Variants in CDKAL1 observed in about 807,000 individuals in gnomAD.
CDKAL1 encodes threonylcarbamoyladenosine tRNA methylthiotransferase.
CDKAL1 carries 32 observed loss-of-function variants against 68.2 expected under a neutral mutation model. The ratio of observed to expected loss-of-function variants is 0.47; its 90% CI spans 0.35 to 0.63. The LOEUF is 0.63. CDKAL1 is among the 30% of genes least tolerant of loss of function. The pLI is 0.00. For missense variants in CDKAL1, 606 were observed against 696.7 expected (o/e 0.87, Z 1.47); for synonymous variants, 234 against 244.3 (o/e 0.96, Z 0.39).
chr6:20,563,963 C>T (rs927092829), intron 4 of CDKAL1, among the ~76,000 whole-genome samples: 7 of 152,110 alleles, frequency 4.6e-5, no homozygotes, highest in African/African-American at 9.7e-5. Flanking sequence ...TTTAAGCCAG[C>T]GATGGCTCAA....
rs556184336 is a variant in CDKAL1 at position 20,545,203 on chromosome 6, G to C, written c.-5-1143G>C. On this transcript the variant is annotated intron_variant, in intron 2 of 15. Coordinates refer to ENST00000274695, the MANE Select transcript of CDKAL1 (RefSeq NM_017774.3). ...ACTCATCATATTCCTTGGGTCCTGA[G>C]GTTCATAGCCAGTCTGCCTTATGCT... 3.3e-5 allele frequency among the ~76,000 whole-genome samples: 5 copies of C among 151,878 alleles called. No homozygotes were observed. In the East Asian group the frequency reaches 9.7e-4, roughly 30 times the overall value.
intron 15 of CDKAL1, among the ~76,000 whole-genome samples, chr6:21,208,008 T>G (rs996839797): frequency 1.4e-5 from 2 of 146,472 alleles, no homozygotes; most frequent in Non-Finnish European, 3.0e-5. Context: ...TTCCTCTTAC[T>G]CTTTATGTCT....
chr6:20,582,412 A>T (rs1303587264), intron 4 of CDKAL1, among the ~76,000 whole-genome samples: 1 of 152,204 alleles, frequency 6.6e-6, no homozygotes, highest in African/African-American at 2.4e-5. Context: ...ATACATATTT[A>T]AAATAGCATT....
chr6:21,157,913 T>C (rs542701416), intron 13 of CDKAL1, among the ~76,000 whole-genome samples: 6 of 152,370 alleles, frequency 3.9e-5, no homozygotes, highest in African/African-American at 1.4e-4. Flanking sequence ...AAAGAAATGT[T>C]ATTCAGAGAG....
chr6:21,010,580 G>A (rs1311626048), intron 11 of CDKAL1, among the ~76,000 whole-genome samples: 1 of 152,130 alleles, frequency 6.6e-6, no homozygotes, highest in African/African-American at 2.4e-5. Context: ...CCCTCATTAT[G>A]TGAATGGGCC....
chr6:20,644,667 CAAAACA>C lies in CDKAL1; in HGVS notation c.287-4607_287-4602del, dbSNP rs1342396638. Among the ~76,000 whole-genome samples, 6 of 150,688 alleles carry C rather than the reference CAAAACA, an allele frequency of 4.0e-5. No individual in the cohort carries two copies. In the South Asian group the frequency reaches 6.3e-4, roughly 16 times the overall value. On this transcript the variant is annotated intron_variant, in intron 4 of 15. Coordinates refer to ENST00000274695, the MANE Select transcript of CDKAL1 (RefSeq NM_017774.3). Reference sequence around the variant, plus strand: ...TGGGCAACAGAGCGAGACTCCGTCTCAAAACAAAAACAAAAACAAAAACACAACAAA... The same window carrying C: ...TGGGCAACAGAGCGAGACTCCGTCTCAAAACAAAAACAAAAACACAACAAA...
At chr6:21,178,284 G>T (rs915556555) in intron 13 of CDKAL1, among the ~76,000 whole-genome samples, 1 of 152,072 alleles carries the variant, frequency 6.6e-6, no homozygotes, top group African/African-American at 2.4e-5. Context: ...TATGATGGGG[G>T]TTACATATTT....
intron 9 of CDKAL1, among the ~76,000 whole-genome samples, chr6:20,853,766 ATT>A (rs1489965237): frequency 6.6e-6 from 1 of 152,160 alleles, no homozygotes; most frequent in African/African-American, 2.4e-5. Context: ...GAGAACTACA[ATT>A]AAGAACCACT....
rs544897530 is a variant in CDKAL1, at chr6:20,603,914, T to C, written c.287-45379T>C. 8.8e-4 allele frequency among the ~76,000 whole-genome samples: 133 copies of C among 151,230 alleles called. 1 individual carries two copies. Among genetic ancestry groups the C allele is most frequent in the African/African-American group, 3.1e-3 (126 of 41,210 alleles). ...GCCTCAGCCTCCCAGATAGCTGGGA[T>C]TACAGGCGCTTGCCACCACGCCCGG... is the stretch of plus-strand genomic sequence containing the variant. On this transcript the variant is annotated intron_variant, in intron 4 of 15. Coordinates refer to ENST00000274695, the MANE Select transcript of CDKAL1 (RefSeq NM_017774.3).
At position 21,198,112 on chromosome 6, in the gene CDKAL1, G is replaced by A; in HGVS notation, c.1383+8G>A. On this transcript the variant is annotated splice_region_variant and intron_variant, in intron 14 of 15. Transcript: ENST00000274695. Reference sequence around the variant, plus strand: ...AATCAATTCTATGAGCAGGTAAGAGGCACTTCAGTATTCTTGAGTTTTCTC... The same window carrying A: ...AATCAATTCTATGAGCAGGTAAGAGACACTTCAGTATTCTTGAGTTTTCTC... 1.3e-6 allele frequency: 2 copies of A among 1,569,476 alleles called. No homozygotes were observed. The highest frequency in any genetic ancestry group is 1.8e-5 in the Admixed American group (1 of 55,282).
At chr6:20,542,415 C>T (rs1763423840) in intron 2 of CDKAL1, among the ~76,000 whole-genome samples, 1 of 152,116 alleles carries the variant, frequency 6.6e-6, no homozygotes, top group African/African-American at 2.4e-5. Flanking sequence ...GTTAATTTAT[C>T]TGTGTTTCAG....
chr6:21,161,238 C>T (rs571920736), intron 13 of CDKAL1, among the ~76,000 whole-genome samples: 39 of 152,226 alleles, frequency 2.6e-4, no homozygotes, highest in African/African-American at 9.1e-4. Flanking sequence ...TTTCCCTCCC[C>T]TCCAACGATA....
chr6:20,578,666 TACA>T lies in CDKAL1; in HGVS notation c.286+29962_286+29964del, dbSNP rs1380320645. Among the ~76,000 whole-genome samples, 5 of 152,234 alleles carry T rather than the reference TACA, an allele frequency of 3.3e-5. No homozygotes were observed. The East Asian group carries it at 7.7e-4, about 23-fold the overall frequency. On this transcript the variant is annotated intron_variant, in intron 4 of 15. Transcript: ENST00000274695. ...GTGCCAGTCCCTACGCTCAGTGCTT[TACA>T]CACATTATCTTATTTAATTGTGTTT...
chr6:20,858,084 CCTGACCTCAAGTGAT>C (rs1371722178), intron 9 of CDKAL1, among the ~76,000 whole-genome samples: 1 of 152,138 alleles, frequency 6.6e-6, no homozygotes, highest in Non-Finnish European at 1.5e-5. Flanking sequence ...GTCTCGAATT[CCTGACCTCAAGTGAT>C]CTGCCCACCT....
chr6:20,843,689 G>A (rs1226727751), intron 8 of CDKAL1, among the ~76,000 whole-genome samples: 2 of 152,156 alleles, frequency 1.3e-5, no homozygotes, highest in African/African-American at 2.4e-5. Context: ...TTTTCTTGTA[G>A]TGTCATGTTG....
chr6:20,737,624 G>T (rs768300481), intron 5 of CDKAL1, among the ~76,000 whole-genome samples: 21 of 152,106 alleles, frequency 1.4e-4, no homozygotes, highest in Non-Finnish European at 2.4e-4. Flanking sequence ...GTTTGATAAG[G>T]TATTTCACAT....
chr6:20,737,093 A>T (rs1304029792), intron 5 of CDKAL1, among the ~76,000 whole-genome samples: 1 of 152,178 alleles, frequency 6.6e-6, no homozygotes, highest in Non-Finnish European at 1.5e-5. Flanking sequence ...ATATAATGAA[A>T]TACTTTCCTC....
chr6:20,687,088 G>A (rs756629305), intron 5 of CDKAL1, among the ~76,000 whole-genome samples: 1 of 151,996 alleles, frequency 6.6e-6, no homozygotes, highest in Non-Finnish European at 1.5e-5. Context: ...TGTTATATTT[G>A]ATTTTCTATG....
At chr6:20,725,504 G>C (rs1415308171) in intron 5 of CDKAL1, among the ~76,000 whole-genome samples, 1 of 152,202 alleles carries the variant, frequency 6.6e-6, no homozygotes, top group African/African-American at 2.4e-5. Context: ...CTGAAGACTA[G>C]CTGGGCATGG....
Sources: allele counts gnomAD v4.1 joint callset (sites outside exome capture counted in the v4.1 genomes callset), GRCh38; gene constraint gnomAD v4.1.1; transcripts MANE v1.5; gene names NCBI Gene and HGNC (gene_info 2026-07-23, HGNC 2026-07-21).